Variants in TRPM3 observed in about 807,000 individuals in gnomAD.
The protein encoded by TRPM3 is transient receptor potential cation channel subfamily M member 3, also known as long transient receptor potential channel 3.
A neutral mutation model predicts 181.2 loss-of-function variants in TRPM3; 77 were observed. The ratio of observed to expected loss-of-function variants is 0.42; its 90% CI spans 0.35 to 0.51. The LOEUF is 0.51. TRPM3 is among the 20% of genes least tolerant of loss of function. TRPM3 has a pLI of 0.01. For missense variants in TRPM3, 1,759 were observed against 2,196.7 expected (o/e 0.80, Z 3.98); for synonymous variants, 745 against 796.4 (o/e 0.94, Z 1.09).
rs1291989571 is a variant in TRPM3 at position 70,761,465 on chromosome 9, G to C, written c.1272+136C>G. The C allele has an allele frequency of 2.6e-6, 3 of 1,166,716 alleles. No individual in the cohort carries two copies. In the African/African-American group the frequency reaches 4.5e-5, roughly 18 times the overall value. 72.3% of individuals were successfully genotyped at this position (1,166,716 alleles called of 1,614,324 possible). A position where few individuals can be genotyped will look rare whatever the true frequency, so the allele number is the denominator to read the frequency against. On this transcript the variant is annotated intron_variant, in intron 8 of 25. Coordinates refer to ENST00000677713, the MANE Select transcript of TRPM3 (RefSeq NM_001366145.2). Reference sequence around the variant, plus strand: ...AGTTACTTAGGAGAGGAAGCTACTGGAGCCAATGGAGCCTGAGGAGAGCTG... The same window carrying C: ...AGTTACTTAGGAGAGGAAGCTACTGCAGCCAATGGAGCCTGAGGAGAGCTG...
At chr9:71,005,686 T>C (rs2097665988) in intron 1 of TRPM3, among the ~76,000 whole-genome samples, 1 of 152,030 alleles carries the variant, frequency 6.6e-6, no homozygotes, top group South Asian at 2.1e-4. Flanking sequence ...AAGCTATCCT[T>C]CAAACAAGGA....
chr9:70,763,226 T>C (rs2078481990), intron 7 of TRPM3, among the ~76,000 whole-genome samples: 1 of 152,154 alleles, frequency 6.6e-6, no homozygotes, highest in Admixed American at 6.5e-5. Flanking sequence ...TATACACATT[T>C]AGGCTGGGCA....
At chr9:71,114,218 C>T (rs557296782) in intron 1 of TRPM3, among the ~76,000 whole-genome samples, 10 of 152,240 alleles carry the variant, frequency 6.6e-5, no homozygotes, top group African/African-American at 2.2e-4. Context: ...TCAATGATAT[C>T]CCTACACTAC....
rs1338020150 is a variant in TRPM3, at chr9:70,973,474, T to G, written c.178-108963A>C. Reference sequence around the variant, plus strand: ...TAGGCCATTAATATCCTACACTTTATGAGACATTTGCTTTTTTTTCTGAGT... The same window carrying G: ...TAGGCCATTAATATCCTACACTTTAGGAGACATTTGCTTTTTTTTCTGAGT... On this transcript the variant is annotated intron_variant, in intron 1 of 25. Coordinates refer to ENST00000677713, the MANE Select transcript of TRPM3 (RefSeq NM_001366145.2). 2.6e-5 allele frequency among the ~76,000 whole-genome samples: 4 copies of G among 152,238 alleles called. No homozygotes were observed. In the East Asian group the frequency reaches 7.7e-4, roughly 29 times the overall value.
At position 70,964,531 on chromosome 9, in the gene TRPM3, A is replaced by G. The variant is rs376518354; in HGVS notation, c.178-100020T>C. On this transcript the variant is annotated intron_variant, in intron 1 of 25. Coordinates refer to ENST00000677713, the MANE Select transcript of TRPM3 (RefSeq NM_001366145.2). ...AGCAAGCATTCACTGAGAAGTAACT[A>G]ATTTCTAGGCTCTGTCAAAAGGCCA... 1.1e-3 allele frequency among the ~76,000 whole-genome samples: 169 copies of G among 152,160 alleles called. 1 individual carries two copies. The highest frequency in any genetic ancestry group is 3.2e-3 in the African/African-American group (133 of 41,552).
intron 1 of TRPM3, among the ~76,000 whole-genome samples, chr9:71,282,306 CGAAAGAAA>C (rs1420100402): frequency 7.4e-5 from 2 of 26,856 alleles, no homozygotes; most frequent in South Asian, 1.9e-3. Flanking sequence ...AAAGAAAGAA[CGAAAGAAA>C]GAAAGAAAGG....
intron 1 of TRPM3, among the ~76,000 whole-genome samples, chr9:71,202,074 T>G (rs2078833543): frequency 6.6e-6 from 1 of 152,208 alleles, no homozygotes; most frequent in South Asian, 2.1e-4. Flanking sequence ...GCAGGTCTGT[T>G]GGAGTTTGCT....
chr9:71,382,332 A>T (rs1476541262), intron 1 of TRPM3, among the ~76,000 whole-genome samples: 1 of 152,124 alleles, frequency 6.6e-6, no homozygotes, highest in Non-Finnish European at 1.5e-5. Context: ...ATTTGAAAAA[A>T]TTTTCCATGC....
chr9:70,872,127 C>T (rs545518025), intron 1 of TRPM3, among the ~76,000 whole-genome samples: 21 of 152,062 alleles, frequency 1.4e-4, no homozygotes, highest in Admixed American at 3.9e-4. Context: ...CCAGATGGTA[C>T]ATATTTTAGG....
At chr9:71,003,211 A>AAG (rs58212156) in intron 1 of TRPM3, among the ~76,000 whole-genome samples, 1 of 151,148 alleles carries the variant, frequency 6.6e-6, no homozygotes, top group African/African-American at 2.4e-5. Context: ...AAAAAAAAAA[A>AAG]CACTTAACAG....
In TRPM3 at chr9:70,532,200, ACATT is replaced by A. The variant is rs908087899; in HGVS notation, c.*3749_*3752del. On this transcript the variant is annotated 3_prime_UTR_variant, in exon 26 of 26. Transcript: ENST00000677713. Reference sequence around the variant, plus strand: ...TCTTTAAAGAAATTAAACAGCCCAAACATTCAGGAAGATTAGACTGTACAGACTC... The same window carrying A: ...TCTTTAAAGAAATTAAACAGCCCAAACAGGAAGATTAGACTGTACAGACTC... The A allele has an allele frequency of 1.6e-4, 25 of 152,228 alleles. No individual in the cohort carries two copies. Among genetic ancestry groups the A allele is most frequent in the Non-Finnish European group, 1.0e-4 (7 of 68,040 alleles). 9.4% of individuals were successfully genotyped at this position (152,228 alleles called of 1,614,324 possible).
chr9:70,877,442 C>T (rs1323609487), intron 1 of TRPM3, among the ~76,000 whole-genome samples: 1 of 151,986 alleles, frequency 6.6e-6, no homozygotes, highest in Admixed American at 6.6e-5. Context: ...GGAGGGATTA[C>T]TGGAAATTTG....
intron 8 of TRPM3, among the ~76,000 whole-genome samples, chr9:70,743,314 A>G (rs2074515981): frequency 6.6e-6 from 1 of 152,220 alleles, no homozygotes; most frequent in South Asian, 2.1e-4. Context: ...TCATATTGAT[A>G]TACCAACACT....
intron 25 of TRPM3, among the ~76,000 whole-genome samples, chr9:70,544,275 C>T (rs979100407): frequency 4.6e-5 from 7 of 152,074 alleles, no homozygotes; most frequent in African/African-American, 1.4e-4. Context: ...TATAAAATGG[C>T]TCAGTAGTAG....
chr9:71,175,320 C>G (rs752731762), intron 1 of TRPM3, among the ~76,000 whole-genome samples: 5 of 152,038 alleles, frequency 3.3e-5, no homozygotes, highest in Admixed American at 2.6e-4. Context: ...TAATTCTACC[C>G]TTTCCTCCCT....
chr9:71,296,090 T>A (rs1056593654), intron 1 of TRPM3, among the ~76,000 whole-genome samples: 3 of 152,196 alleles, frequency 2.0e-5, no homozygotes, highest in African/African-American at 7.2e-5. Context: ...TAAGTATAGA[T>A]GCTCAACAGC....
intron 1 of TRPM3, among the ~76,000 whole-genome samples, chr9:70,902,376 C>T (rs1396358952): frequency 1.3e-5 from 2 of 152,134 alleles, no homozygotes; most frequent in East Asian, 3.9e-4. Flanking sequence ...TTTTGCCCGG[C>T]ACTGTACATA....
chr9:71,018,209 G>C (rs951589013), intron 1 of TRPM3, among the ~76,000 whole-genome samples: 60 of 143,990 alleles, frequency 4.2e-4, no homozygotes, highest in Non-Finnish European at 4.2e-4. Context: ...AGCTTTGGTT[G>C]AATATATTAG....
chr9:70,870,329 C>T (rs1372826002), intron 1 of TRPM3, among the ~76,000 whole-genome samples: 1 of 151,988 alleles, frequency 6.6e-6, no homozygotes, highest in Non-Finnish European at 1.5e-5. Flanking sequence ...GAGAAAGAAA[C>T]AATAAACTAC....
Sources: gnomAD v4.1 joint callset for allele counts (sites outside exome capture counted in the v4.1 genomes callset) on GRCh38, gnomAD v4.1.1 for gene constraint, MANE v1.5 for transcripts, NCBI Gene and HGNC (gene_info 2026-07-23, HGNC 2026-07-21) for gene names.